Variants in ATL2 observed in about 807,000 individuals in gnomAD.
ATL2 encodes the protein atlastin GTPase 2.
A neutral mutation model predicts 73.9 loss-of-function variants in ATL2; 31 were observed. The ratio of observed to expected loss-of-function variants is 0.42; its 90% CI spans 0.32 to 0.57. ATL2 has a LOEUF of 0.57. Ranked by LOEUF, ATL2 falls within the 20% of genes least tolerant of loss-of-function variation. The pLI is 0.14. For missense variants in ATL2, 738 were observed against 702.6 expected (o/e 1.05, Z -0.57); for synonymous variants, 291 against 237.5 (o/e 1.23, Z -2.07).
chr2:38,358,629 T>TAA (rs1573569475), intron 1 of ATL2: 1 of 235,322 alleles, frequency 4.2e-6, no homozygotes, highest in Non-Finnish European at 9.2e-6. Context: ...GAGGCGGAGC[T>TAA]TGCAGTGAGC....
intron 1 of ATL2, among the ~76,000 whole-genome samples, chr2:38,362,974 A>T (rs1305155781): frequency 6.6e-6 from 1 of 152,236 alleles, no homozygotes; most frequent in East Asian, 1.9e-4. Context: ...TCATCCCTCA[A>T]AATAATTCAC....
At chr2:38,310,819 T>G (rs1667719093) in intron 7 of ATL2, among the ~76,000 whole-genome samples, 1 of 151,860 alleles carries the variant, frequency 6.6e-6, no homozygotes, top group South Asian at 2.1e-4. Context: ...GTATTTTTAG[T>G]AGAGACAGGG....
intron 1 of ATL2, among the ~76,000 whole-genome samples, chr2:38,352,392 T>C (rs531064285): frequency 3.3e-5 from 5 of 152,136 alleles, no homozygotes; most frequent in Non-Finnish European, 7.4e-5. Flanking sequence ...AAGGACACTT[T>C]CAAGGTGAGT....
In ATL2 at chr2:38,328,604, T is replaced by C. The variant is rs185716079; in HGVS notation, c.364-9585A>G. ...GACACAGGAGTCAAGGAAATCTCAA[T>C]AGAAATTTTAAAATATATTGAACTA... On this transcript the variant is annotated intron_variant, in intron 2 of 12. Coordinates refer to ENST00000378954, the MANE Select transcript of ATL2 (RefSeq NM_001135673.4). Among the ~76,000 whole-genome samples the C allele has an allele frequency of 1.8e-4, 28 of 152,148 alleles. No individual in the cohort carries two copies. In the Middle Eastern group the frequency reaches 0.017, roughly 92 times the overall value.
chr2:38,343,569 T>C lies in ATL2; in HGVS notation c.119-57A>G, dbSNP rs549448059. On this transcript the variant is annotated intron_variant, in intron 1 of 12. Coordinates refer to ENST00000378954, the MANE Select transcript of ATL2 (RefSeq NM_001135673.4). ...TTAATCCCTATATTACGAACTTTCA[T>C]TAAGGACCACAACTAAAGCAAAATT... 277 of 1,537,302 alleles carry C rather than the reference T, an allele frequency of 1.8e-4. 2 individuals carry two copies. In the African/African-American group the frequency reaches 3.6e-3, roughly 20 times the overall value.
chr2:38,338,503 A>C (rs1271630755), intron 2 of ATL2, among the ~76,000 whole-genome samples: 1 of 150,488 alleles, frequency 6.6e-6, no homozygotes, highest in African/African-American at 2.5e-5. Flanking sequence ...TTGTAACTCA[A>C]GTATAAATGA....
At chr2:38,345,617 T>C (rs1669974302) in intron 1 of ATL2, among the ~76,000 whole-genome samples, 1 of 152,226 alleles carries the variant, frequency 6.6e-6, no homozygotes, top group Non-Finnish European at 1.5e-5. Context: ...ATCAATGGTA[T>C]ATAGCAATAG....
intron 2 of ATL2, among the ~76,000 whole-genome samples, chr2:38,330,216 T>TAA (rs57775676): frequency 2.7e-4 from 33 of 122,588 alleles, no homozygotes; most frequent in African/African-American, 5.1e-4. Flanking sequence ...ATTCAGGATT[T>TAA]AAAAAAAAAA....
At position 38,347,305 on chromosome 2, in the gene ATL2, G is replaced by A. The variant is rs1009595199; in HGVS notation, c.119-3793C>T. Among the ~76,000 whole-genome samples, 4 of 152,066 alleles carry A rather than the reference G, an allele frequency of 2.6e-5. 1 individual carries two copies. In the South Asian group the frequency reaches 8.3e-4, roughly 32 times the overall value. On this transcript the variant is annotated intron_variant, in intron 1 of 12. Coordinates refer to ENST00000378954, the MANE Select transcript of ATL2 (RefSeq NM_001135673.4). Reference sequence around the variant, plus strand: ...TCATTCCCAAAGCCTGGACAATCTGGCCTTCTTGCTGTTCCCTGATGAAGC... The same window carrying A: ...TCATTCCCAAAGCCTGGACAATCTGACCTTCTTGCTGTTCCCTGATGAAGC...
In ATL2 at chr2:38,318,641, T is replaced by C; in HGVS notation, c.499-2A>G. The C allele has an allele frequency of 6.3e-7, 1 of 1,585,004 alleles. No individual in the cohort carries two copies. Among genetic ancestry groups the C allele is most frequent in the Non-Finnish European group, 8.5e-7 (1 of 1,170,358 alleles). Reference sequence around the variant, plus strand: ...GGTATCCATAAGCAGCACAGCAACCTAGGAATTTGAGAGTTTAAAATATTT... The same window carrying C: ...GGTATCCATAAGCAGCACAGCAACCCAGGAATTTGAGAGTTTAAAATATTT... On this transcript the variant is annotated splice_acceptor_variant, in intron 3 of 12. Transcript: ENST00000378954. LOFTEE classifies it high-confidence loss of function.
At chr2:38,318,828 T>C (rs1213277875) in intron 3 of ATL2, 57 bp downstream of exon 3, 19 of 1,558,102 alleles carry the variant, frequency 1.2e-5, no homozygotes, top group Non-Finnish European at 1.6e-5. Flanking sequence ...TGATTTTTAA[T>C]ACTGGAAAAT....
At chr2:38,313,539 C>T (rs1433995811) in intron 6 of ATL2, among the ~76,000 whole-genome samples, 3 of 152,056 alleles carry the variant, frequency 2.0e-5, no homozygotes, top group South Asian at 2.1e-4. Flanking sequence ...TCAGGACACA[C>T]GGATCATAAT....
chr2:38,330,979 C>G (rs568738546), intron 2 of ATL2, among the ~76,000 whole-genome samples: 1 of 152,292 alleles, frequency 6.6e-6, no homozygotes, highest in Admixed American at 6.5e-5. Flanking sequence ...TACAAAGCAA[C>G]AGTAGTGAAG....
At chr2:38,371,897 A>C (rs1289203456) in intron 1 of ATL2, among the ~76,000 whole-genome samples, 3 of 152,174 alleles carry the variant, frequency 2.0e-5, no homozygotes, top group South Asian at 2.1e-4. Flanking sequence ...GCTCTGTCTC[A>C]AAATAAATAA....
At chr2:38,325,141 G>C (rs1328662312) in intron 2 of ATL2, among the ~76,000 whole-genome samples, 2 of 152,166 alleles carry the variant, frequency 1.3e-5, no homozygotes, top group Admixed American at 1.3e-4. Context: ...TTTGACTTTA[G>C]AGTCTTCCAT....
At chr2:38,334,896 A>T (rs1247048625) in intron 2 of ATL2, among the ~76,000 whole-genome samples, 2 of 25,546 alleles carry the variant, frequency 7.8e-5, no homozygotes, top group East Asian at 6.0e-3. Flanking sequence ...TATATAATAT[A>T]TATTATTTAT....
chr2:38,346,811 G>C (rs1670042362), intron 1 of ATL2, among the ~76,000 whole-genome samples: 1 of 151,966 alleles, frequency 6.6e-6, no homozygotes, highest in South Asian at 2.1e-4. Flanking sequence ...ACGGCCCTAG[G>C]GTTGGGAACC....
intron 2 of ATL2, among the ~76,000 whole-genome samples, chr2:38,331,416 C>T (rs1668982991): frequency 8.0e-6 from 1 of 124,614 alleles, no homozygotes. Context: ...AGCCTAGCAA[C>T]AGAGTGAGAC....
intron 1 of ATL2, among the ~76,000 whole-genome samples, chr2:38,347,844 G>C (rs1573543334): frequency 6.8e-6 from 1 of 147,048 alleles, no homozygotes; most frequent in East Asian, 2.0e-4. Flanking sequence ...TCGACTCACT[G>C]CAACCTCTGC....
Sources: allele counts gnomAD v4.1 joint callset (sites outside exome capture counted in the v4.1 genomes callset), GRCh38; gene constraint gnomAD v4.1.1; transcripts MANE v1.5; gene names NCBI Gene and HGNC (gene_info 2026-07-23, HGNC 2026-07-21).